Variants in STX8 observed in about 807,000 individuals in gnomAD.
STX8 encodes the protein syntaxin 8, also known as syntaxin-8.
In STX8, 23 loss-of-function variants were observed where a neutral mutation model predicts 37.5. The observed-to-expected ratio is 0.61, with a 90% confidence interval of 0.44 to 0.87. STX8 has a LOEUF of 0.87. Among genes scored for constraint, STX8 ranks in the 40% least tolerant of loss-of-function variants. The pLI, the probability that STX8 is intolerant of heterozygous loss-of-function variation, is 0.00. For synonymous variants in STX8, 115 were observed against 99.1 expected (o/e 1.16, Z -0.95); for missense variants, 313 against 284.7 (o/e 1.10, Z -0.71).
chr17:9,346,554 C>G (rs921703955), intron 7 of STX8, among the ~76,000 whole-genome samples: 6 of 152,182 alleles, frequency 3.9e-5, no homozygotes, highest in Non-Finnish European at 4.4e-5. Context: ...TGACAAAACT[C>G]AAAAACTTTA....
chr17:9,332,098 G>C (rs1384177358), intron 7 of STX8, among the ~76,000 whole-genome samples: 4 of 152,156 alleles, frequency 2.6e-5, no homozygotes. Context: ...CCTTCATTTT[G>C]TTGTTTCTTC....
intron 7 of STX8, among the ~76,000 whole-genome samples, chr17:9,260,975 G>C (rs1907003245): frequency 6.6e-6 from 1 of 152,264 alleles, no homozygotes; most frequent in Non-Finnish European, 1.5e-5. Context: ...GCCAGAGGGA[G>C]CAAGAGAATC....
intron 4 of STX8, among the ~76,000 whole-genome samples, chr17:9,511,475 A>C (rs1419567025): frequency 6.6e-6 from 1 of 152,218 alleles, no homozygotes; most frequent in Non-Finnish European, 1.5e-5. Flanking sequence ...AATGTGATAT[A>C]TCACATCAAC....
In STX8 at chr17:9,312,265, G is replaced by A. The variant is rs185992270; in HGVS notation, c.644-61620C>T. On this transcript the variant is annotated intron_variant, in intron 7 of 7. Coordinates refer to ENST00000306357, the MANE Select transcript of STX8 (RefSeq NM_004853.3). The stretch of plus-strand genomic sequence containing the variant: ...TGTCCAGGCTGGAGTGCAGTGGCGT[G>A]ATCTTGGCTCACCGCAACCTCCACC... Among the ~76,000 whole-genome samples, 404 of 151,898 alleles carry A rather than the reference G, an allele frequency of 2.7e-3. 1 individual carries two copies. The highest frequency in any genetic ancestry group is 6.9e-3 in the South Asian group (33 of 4,804).
chr17:9,271,876 A>G (rs12603633), intron 7 of STX8, among the ~76,000 whole-genome samples: 18,738 of 152,188 alleles, frequency 0.12, 1,513 homozygotes, highest in Admixed American at 0.23. Flanking sequence ...ACAATAAAAT[A>G]TCATCTGTTA....
chr17:9,482,588 A>G (rs1220742182), intron 6 of STX8, among the ~76,000 whole-genome samples: 2 of 152,188 alleles, frequency 1.3e-5, no homozygotes, highest in Non-Finnish European at 1.5e-5. Flanking sequence ...GGCTTCTGAT[A>G]GTGACTTGTG....
intron 7 of STX8, among the ~76,000 whole-genome samples, chr17:9,257,024 G>A (rs1390607943): frequency 6.6e-6 from 1 of 152,186 alleles, no homozygotes; most frequent in Non-Finnish European, 1.5e-5. Context: ...TCCTGACTTC[G>A]GGATCGTTTC....
At chr17:9,427,127 G>C (rs954980925) in intron 6 of STX8, among the ~76,000 whole-genome samples, 1 of 152,174 alleles carries the variant, frequency 6.6e-6, no homozygotes, top group Admixed American at 6.5e-5. Context: ...CAAAGAGAAT[G>C]AATTCCAAAA....
chr17:9,268,043 G>C (rs1047380997), intron 7 of STX8, among the ~76,000 whole-genome samples: 12 of 151,312 alleles, frequency 7.9e-5, no homozygotes, highest in South Asian at 4.2e-4. Context: ...TCAATGAAAG[G>C]CCATTCAGAT....
chr17:9,424,361 T>C (rs1913549573), intron 6 of STX8, among the ~76,000 whole-genome samples: 1 of 151,976 alleles, frequency 6.6e-6, no homozygotes, highest in African/African-American at 2.4e-5. Context: ...TCAACCAGTT[T>C]ATCCTTCAAC....
chr17:9,567,004 T>C (rs1015676005), intron 2 of STX8, among the ~76,000 whole-genome samples: 2 of 152,176 alleles, frequency 1.3e-5, no homozygotes, highest in African/African-American at 4.8e-5. Context: ...CCATTATCCT[T>C]AGCAAACTAA....
chr17:9,297,593 T>A (rs1279953253), intron 7 of STX8, among the ~76,000 whole-genome samples: 1 of 152,228 alleles, frequency 6.6e-6, no homozygotes, highest in Non-Finnish European at 1.5e-5. Flanking sequence ...GTTAGCCGGA[T>A]GCAGTAGCTC....
intron 4 of STX8, among the ~76,000 whole-genome samples, chr17:9,506,036 A>C (rs1320638687): frequency 4.6e-5 from 7 of 151,906 alleles, no homozygotes; most frequent in African/African-American, 1.7e-4. Context: ...TGTAGCATTC[A>C]TAACAGAATA....
intron 6 of STX8, among the ~76,000 whole-genome samples, chr17:9,429,962 T>TA (rs1913854457): frequency 7.0e-4 from 1 of 1,430 alleles, no homozygotes; most frequent in Non-Finnish European, 9.4e-4. Context: ...ATATAATATA[T>TA]ATATTATATA....
intron 5 of STX8, among the ~76,000 whole-genome samples, chr17:9,503,892 G>T (rs1904718811): frequency 6.6e-6 from 1 of 152,044 alleles, no homozygotes; most frequent in Admixed American, 6.6e-5. Flanking sequence ...AGCCTCCTGA[G>T]TAGCTAGGAC....
At chr17:9,427,504 A>G (rs1040655638) in intron 6 of STX8, among the ~76,000 whole-genome samples, 5 of 152,206 alleles carry the variant, frequency 3.3e-5, no homozygotes, top group Non-Finnish European at 7.3e-5. Context: ...TAACGGGATG[A>G]AAAAGGCTGT....
rs554845066 is a variant in STX8 at position 9,463,599 on chromosome 17, C to A, written c.541+28230G>T. ...ACTCCTGGTTGAACATGGTGAAACT[C>A]CGTCTCTACTAAAAATACAAAATTT... On this transcript the variant is annotated intron_variant, in intron 6 of 7. Coordinates refer to ENST00000306357, the MANE Select transcript of STX8 (RefSeq NM_004853.3). Among the ~76,000 whole-genome samples, 82 of 152,006 alleles carry A rather than the reference C, an allele frequency of 5.4e-4. 1 individual carries two copies. The highest frequency in any genetic ancestry group is 1.9e-3 in the African/African-American group (78 of 41,480).
At chr17:9,410,844 G>C (rs16958246) in intron 6 of STX8, among the ~76,000 whole-genome samples, 2,922 of 152,236 alleles carry the variant, frequency 0.019, 114 homozygotes, top group African/African-American at 0.067. Context: ...CATACGAAGA[G>C]AAAAGCAAAA....
chr17:9,264,007 G>A (rs1907139228), intron 7 of STX8, among the ~76,000 whole-genome samples: 1 of 152,136 alleles, frequency 6.6e-6, no homozygotes, highest in Non-Finnish European at 1.5e-5. Context: ...CTTCCACCTT[G>A]CTCCTTCAGG....
Sources: allele counts gnomAD v4.1 joint callset (sites outside exome capture counted in the v4.1 genomes callset), GRCh38; gene constraint gnomAD v4.1.1; transcripts MANE v1.5; gene names NCBI Gene and HGNC (gene_info 2026-07-23, HGNC 2026-07-21).